RGS12: variants seen among roughly 807,000 people sequenced by gnomAD.
The protein encoded by RGS12 is regulator of G-protein signaling 12.
A neutral mutation model predicts 120.1 loss-of-function variants in RGS12; 66 were observed. That is an observed-to-expected ratio of 0.55 (90% CI 0.45 to 0.67). The LOEUF (loss-of-function observed/expected upper bound fraction) is 0.67, where lower values mean the gene tolerates loss of function less well. RGS12 is among the 30% of genes least tolerant of loss of function. The pLI is 0.00. For missense variants in RGS12, 1,859 were observed against 1,957.7 expected, an observed-to-expected ratio of 0.95 and a Z score of 0.95; for synonymous variants, 827 against 804.7, an observed-to-expected ratio of 1.03 and a Z score of -0.47.
intron 2 of RGS12, among the ~76,000 whole-genome samples, chr4:3,318,314 C>G (rs2110411750): frequency 6.6e-6 from 1 of 152,312 alleles, no homozygotes. Context: ...CTGGGCAGGA[C>G]TGGTGGTGGC....
At chr4:3,380,860 C>A (rs1319880553) in intron 3 of RGS12, among the ~76,000 whole-genome samples, 1 of 152,198 alleles carries the variant, frequency 6.6e-6, no homozygotes, top group South Asian at 2.1e-4. Context: ...CTGATGTGCC[C>A]TGGAGACATT....
At position 3,420,681 on chromosome 4, in the gene RGS12, C is replaced by T. The variant is rs376215961; in HGVS notation, c.2801C>T (p.Ser934Leu). The stretch of plus-strand genomic sequence containing the variant: ...AATGGAGGCCTGTGTCGCCGAGAGT[C>T]GCAGGGCTCTGTGTCCTCTGCGGGG... Reference protein sequence around the residue: ...HANGGLCRRESQGSVSSAGSL... With the variant: ...HANGGLCRRELQGSVSSAGSL... The change falls in exon 10 of 18, where the codon TCG (serine) becomes TTG (leucine). Residue 934 changes from serine to leucine, a missense_variant. Physicochemically the swap from Ser to Leu is moderately radical, Grantham distance 145. Transcript: ENST00000336727. The T allele has an allele frequency of 1.2e-5, 19 of 1,613,204 alleles. No individual in the cohort carries two copies. The highest frequency in any genetic ancestry group is 2.2e-5 in the East Asian group (1 of 44,902).
rs188300095 is a variant in RGS12, at chr4:3,294,462, C to T, written c.-102+1363C>T. On this transcript the variant is annotated intron_variant, in intron 1 of 17. Transcript: ENST00000336727. ...ATATTTCACTTTAGAAAGTAATTGT[C>T]ACAGTGCGAAGTTTCTTCCCCTGAA... Among the ~76,000 whole-genome samples the T allele has an allele frequency of 1.3e-3, 197 of 152,354 alleles. 1 individual carries two copies. Among genetic ancestry groups the T allele is most frequent in the Middle Eastern group, 6.8e-3 (2 of 294 alleles).
intron 17 of RGS12, chr4:3,431,555 G>A: frequency 1.0e-6 from 1 of 986,044 alleles, no homozygotes; most frequent in African/African-American, 1.7e-5. Context: ...TTTCTCAAAG[G>A]AAGCAGGGGA....
chr4:3,339,335 AG>A (rs1712810907), intron 2 of RGS12, among the ~76,000 whole-genome samples: 1 of 152,132 alleles, frequency 6.6e-6, no homozygotes, highest in Non-Finnish European at 1.5e-5. Context: ...TACAAACATT[AG>A]CCGGGCCTGT....
chr4:3,301,188 C>T (rs1723667001), intron 1 of RGS12, among the ~76,000 whole-genome samples: 1 of 151,844 alleles, frequency 6.6e-6, no homozygotes, highest in South Asian at 2.2e-4. Flanking sequence ...AACACGGGGT[C>T]TGTCCCGGCT....
chr4:3,413,930 G>T, intron 4 of RGS12, 142 bp from the exon 5 acceptor site: 4 of 777,084 alleles, frequency 5.1e-6, no homozygotes, highest in Non-Finnish European at 8.0e-6. Flanking sequence ...TGGTAGGTGT[G>T]CTGTGCATAG....
upstream of RGS12, among the ~76,000 whole-genome samples, chr4:3,288,545 C>T (rs566517146): frequency 2.0e-5 from 3 of 152,170 alleles, no homozygotes; most frequent in Non-Finnish European, 4.4e-5. This position sits in a 1 kb window ranked among gnomAD's most constrained non-coding sequence, Gnocchi z 5.2. Flanking sequence ...CCAACTCTCT[C>T]GGGAGGACAG....
intron 2 of RGS12, 108 bp downstream of exon 2, chr4:3,318,159 T>A (rs1006132348): frequency 2.1e-6 from 2 of 951,398 alleles, no homozygotes; most frequent in Non-Finnish European, 3.1e-6. Flanking sequence ...TTCCTCCTGC[T>A]GGCCCTGTGG....
rs892105025 is a variant in RGS12 at position 3,366,288 on chromosome 4, G to T, written c.1999-20128G>T. ...AGTTGGTTATGCGGGGTCAGGGGTGGAGGGCAGGAGGATGGGAGAGCCCAG... is the reference window on the plus strand; with the variant it reads ...AGTTGGTTATGCGGGGTCAGGGGTGTAGGGCAGGAGGATGGGAGAGCCCAG... On this transcript the variant is annotated intron_variant, in intron 3 of 17. Transcript: ENST00000336727. The surrounding 1 kb of genome is among the most constrained non-coding windows in gnomAD (Gnocchi z 4.0). 5.9e-5 allele frequency among the ~76,000 whole-genome samples: 9 copies of T among 152,172 alleles called. No homozygotes were observed. The South Asian group carries it at 6.2e-4, about 10-fold the overall frequency.
intron 3 of RGS12, among the ~76,000 whole-genome samples, chr4:3,347,186 T>C (rs1713877159): frequency 6.6e-6 from 1 of 152,194 alleles, no homozygotes; most frequent in Non-Finnish European, 1.5e-5. Context: ...GGCTCACGCC[T>C]ATAATCCCAG....
chr4:3,428,480 T>G, intron 15 of RGS12, 78 bp from the exon 16 acceptor site: 1 of 1,266,810 alleles, frequency 7.9e-7, no homozygotes, highest in Non-Finnish European at 1.1e-6. Flanking sequence ...TCATAGAGCC[T>G]TCTACTCTCT....
chr4:3,318,570 C>T (rs902969264), intron 2 of RGS12, among the ~76,000 whole-genome samples: 1 of 152,238 alleles, frequency 6.6e-6, no homozygotes, highest in African/African-American at 2.4e-5. Flanking sequence ...CGCAGTGGGC[C>T]TGGGGAGCCC....
chr4:3,329,946 T>A (rs1205943346), intron 2 of RGS12, among the ~76,000 whole-genome samples: 1 of 152,216 alleles, frequency 6.6e-6, no homozygotes, highest in Non-Finnish European at 1.5e-5. Flanking sequence ...GAGTCACTGA[T>A]CTTATTGCAT....
chr4:3,331,318 T>C (rs778544408), intron 2 of RGS12, among the ~76,000 whole-genome samples: 1 of 152,132 alleles, frequency 6.6e-6, no homozygotes, highest in African/African-American at 2.4e-5. Context: ...AGGTAGTAAA[T>C]GAAAACTGGG....
the RGS12 span, among the ~76,000 whole-genome samples, chr4:3,286,992 A>T: frequency 6.6e-6 from 1 of 152,158 alleles, no homozygotes; most frequent in Admixed American, 6.5e-5. Flanking sequence ...CTGGGACTTG[A>T]TGGGTGAATG....
chr4:3,350,891 A>G (rs1175588628), intron 3 of RGS12, among the ~76,000 whole-genome samples: 1 of 152,256 alleles, frequency 6.6e-6, no homozygotes, highest in Non-Finnish European at 1.5e-5. Context: ...GCAAATACAG[A>G]CACAAATAAA....
At chr4:3,422,663 T>G in intron 11 of RGS12, 93 bp downstream of exon 11, 2 of 1,346,960 alleles carry the variant, frequency 1.5e-6, no homozygotes, top group Non-Finnish European at 2.0e-6. Context: ...GGCTGCCCCC[T>G]CCTGCGCTCC....
chr4:3,316,530 G>A lies in RGS12; in HGVS notation c.360G>A (p.Leu120=). The change falls in exon 2 of 18, where the codon CTG becomes CTA. Residue 120 remains leucine, a synonymous_variant. Transcript: ENST00000336727. The part of the protein sequence containing the change: ...EGGLYEGKGW[L]KPKLDSKALG... ...GACTCTATGAAGGAAAAGGCTGGCT[G>A]AAGCCCAAGCTGGATTCTAAAGCAC... The A allele has an allele frequency of 6.2e-7, 1 of 1,614,176 alleles. No individual in the cohort carries two copies. Among genetic ancestry groups the A allele is most frequent in the Non-Finnish European group, 8.5e-7 (1 of 1,180,042 alleles).
Sources: allele counts gnomAD v4.1 joint callset (sites outside exome capture counted in the v4.1 genomes callset), GRCh38; gene constraint gnomAD v4.1.1; non-coding constraint Gnocchi (gnomAD v3.1); transcripts MANE v1.5; gene names NCBI Gene and HGNC (gene_info 2026-07-23, HGNC 2026-07-21).